The following ROBO1 variants were observed in gnomAD, a reference collection of about 807,000 sequenced individuals.
ROBO1 encodes roundabout homolog 1.
A neutral mutation model predicts 195.9 loss-of-function variants in ROBO1; 149 were observed. The observed-to-expected ratio is 0.76, with a 90% CI of 0.67 to 0.87. The LOEUF (loss-of-function observed/expected upper bound fraction) is 0.87. Ranked by LOEUF, ROBO1 falls within the 40% of genes least tolerant of loss-of-function variation. The pLI is 0.00. For synonymous variants in ROBO1, 816 were observed against 733.2 expected (o/e 1.11, Z -1.82); for missense variants, 1,933 against 2,068.3 (o/e 0.93, Z 1.27).
chr3:78,848,935 C>T (rs544437658), intron 4 of ROBO1, among the ~76,000 whole-genome samples: 1 of 152,086 alleles, frequency 6.6e-6, no homozygotes, highest in East Asian at 1.9e-4. Context: ...GTGGCTCGGT[C>T]TACCATAGTA....
chr3:79,008,933 GGTTTTGTTTT>G (rs1238896349), intron 3 of ROBO1, among the ~76,000 whole-genome samples: 7 of 139,348 alleles, frequency 5.0e-5, no homozygotes, highest in Non-Finnish European at 9.4e-5. Flanking sequence ...GTGTGTGTAT[GGTTTTGTTTT>G]GTTTTGTTTT....
chr3:79,318,137 T>C lies in ROBO1; in HGVS notation c.89-192598A>G, dbSNP rs538647840. Among the ~76,000 whole-genome samples the C allele has an allele frequency of 3.3e-5, 5 of 152,276 alleles. No individual in the cohort carries two copies. In the South Asian group the frequency reaches 1.0e-3, roughly 32 times the overall value. On this transcript the variant is annotated intron_variant, in intron 2 of 30. Transcript: ENST00000464233. ...AATGATTGGATGAGGACCACCCACA[T>C]AATAAGGGAAATTTACTTTACTCAC...
At chr3:78,989,979 A>G (rs1372448720) in intron 3 of ROBO1, among the ~76,000 whole-genome samples, 2 of 152,176 alleles carry the variant, frequency 1.3e-5, no homozygotes, top group Non-Finnish European at 2.9e-5. Context: ...AATGCGTATA[A>G]AAACAAAATA....
intron 3 of ROBO1, among the ~76,000 whole-genome samples, chr3:79,010,836 C>T (rs2077758919): frequency 6.6e-6 from 1 of 152,130 alleles, no homozygotes; most frequent in African/African-American, 2.4e-5. Context: ...GAATGCCCCT[C>T]CTATTTGCAT....
chr3:79,435,071 G>T (rs1210087370), intron 2 of ROBO1, among the ~76,000 whole-genome samples: 1 of 152,104 alleles, frequency 6.6e-6, no homozygotes. Flanking sequence ...CGTGGGGTTG[G>T]GGGAGGAGGG....
chr3:78,641,107 CGTTT>C (rs139704297), intron 21 of ROBO1, among the ~76,000 whole-genome samples: 3,894 of 151,728 alleles, frequency 0.026, 143 homozygotes, highest in African/African-American at 0.085. Context: ...GGCATTGTTC[CGTTT>C]GTTTGTTTGT....
chr3:78,656,350 T>A (rs796511516), intron 18 of ROBO1, among the ~76,000 whole-genome samples: 3 of 138,748 alleles, frequency 2.2e-5, no homozygotes, highest in Non-Finnish European at 3.0e-5. Context: ...ATTTGATTTT[T>A]TTTTTTTTTT....
intron 2 of ROBO1, among the ~76,000 whole-genome samples, chr3:79,405,061 A>G (rs894252402): frequency 1.1e-4 from 17 of 152,164 alleles, no homozygotes; most frequent in Admixed American, 1.0e-3. Flanking sequence ...AAATTTTTCA[A>G]GTAGATAATT....
At chr3:79,080,818 A>G (rs1222374757) in intron 3 of ROBO1, among the ~76,000 whole-genome samples, 1 of 152,104 alleles carries the variant, frequency 6.6e-6, no homozygotes, top group Non-Finnish European at 1.5e-5. Flanking sequence ...AGAGTAATTA[A>G]GAATCTCTGT....
At chr3:78,676,404 A>G (rs1267557572) in intron 10 of ROBO1, among the ~76,000 whole-genome samples, 1 of 152,182 alleles carries the variant, frequency 6.6e-6, no homozygotes, top group Non-Finnish European at 1.5e-5. Flanking sequence ...TTCAAACCCA[A>G]GGCAAAGAAG....
chr3:79,210,418 A>G (rs1031311665), intron 2 of ROBO1, among the ~76,000 whole-genome samples: 5 of 152,210 alleles, frequency 3.3e-5, no homozygotes, highest in African/African-American at 1.2e-4. Context: ...AAGTGGGGAA[A>G]GGACACCCTA....
At chr3:79,220,783 G>A (rs910773338) in intron 2 of ROBO1, among the ~76,000 whole-genome samples, 1 of 152,030 alleles carries the variant, frequency 6.6e-6, no homozygotes, top group Non-Finnish European at 1.5e-5. Context: ...GGTAAAACTA[G>A]GTAATTGACA....
chr3:79,370,992 C>T (rs895921117), intron 2 of ROBO1, among the ~76,000 whole-genome samples: 1 of 152,094 alleles, frequency 6.6e-6, no homozygotes, highest in African/African-American at 2.4e-5. Context: ...CAGCTCCATC[C>T]ATGTCCCTGC....
At chr3:78,893,982 T>A (rs1198651120) in intron 4 of ROBO1, among the ~76,000 whole-genome samples, 1 of 152,190 alleles carries the variant, frequency 6.6e-6, no homozygotes, top group Non-Finnish European at 1.5e-5. Flanking sequence ...CTATAAAACT[T>A]CTTGTAAGAT....
At chr3:79,208,633 A>AGCAAGGG (rs2081913732) in intron 2 of ROBO1, among the ~76,000 whole-genome samples, 1 of 151,972 alleles carries the variant, frequency 6.6e-6, no homozygotes, top group South Asian at 2.1e-4. Flanking sequence ...TGAACATGTA[A>AGCAAGGG]GCAAGGGTTT....
intron 1 of ROBO1, among the ~76,000 whole-genome samples, chr3:79,615,351 C>T (rs1031153964): frequency 1.3e-5 from 2 of 152,144 alleles, no homozygotes; most frequent in African/African-American, 4.8e-5. Context: ...TTGAGTTGTT[C>T]CATATTTCCA....
intron 2 of ROBO1, among the ~76,000 whole-genome samples, chr3:79,138,986 T>C (rs1297185887): frequency 1.3e-5 from 2 of 151,800 alleles, no homozygotes; most frequent in African/African-American, 2.4e-5. Context: ...CCAAAAGTGT[T>C]ACAATTCTCA....
At chr3:79,248,612 C>G (rs1196944279) in intron 2 of ROBO1, among the ~76,000 whole-genome samples, 1 of 152,030 alleles carries the variant, frequency 6.6e-6, no homozygotes, top group Non-Finnish European at 1.5e-5. Flanking sequence ...AATATTGCTA[C>G]TGAGTGAAGA....
intron 2 of ROBO1, among the ~76,000 whole-genome samples, chr3:79,244,486 C>T (rs2082585052): frequency 6.6e-6 from 1 of 152,106 alleles, no homozygotes; most frequent in South Asian, 2.1e-4. Context: ...ATTTCAAGCA[C>T]TCAGGAAGTT....
Sources: gnomAD v4.1 joint callset for allele counts (sites outside exome capture counted in the v4.1 genomes callset) on GRCh38, gnomAD v4.1.1 for gene constraint, MANE v1.5 for transcripts, NCBI Gene and HGNC (gene_info 2026-07-23, HGNC 2026-07-21) for gene names.